The following PARPBP variants were observed in gnomAD, a reference collection of about 807,000 sequenced individuals.
The protein encoded by PARPBP is PARP1 binding protein, also known as PCNA-interacting partner.
Under a neutral mutation model 50.0 loss-of-function variants are expected in PARPBP, and 52 were observed. The ratio of observed to expected loss-of-function variants is 1.04; its 90% CI spans 0.83 to 1.31. The LOEUF is 1.31. Among genes scored for constraint, PARPBP ranks in the 50% most tolerant of loss-of-function variants. PARPBP has a pLI of 0.00. For synonymous variants in PARPBP, 244 were observed against 232.1 expected, an observed-to-expected ratio of 1.05 and a Z score of -0.47; for missense variants, 697 against 672.0, an observed-to-expected ratio of 1.04 and a Z score of -0.41.
At position 102,131,638 on chromosome 12, in the gene PARPBP, A is replaced by G. The variant is rs557289960; in HGVS notation, c.153+7597A>G. On this transcript the variant is annotated intron_variant, in intron 2 of 10. Coordinates refer to ENST00000327680, the MANE Select transcript of PARPBP (RefSeq NM_017915.5). Reference sequence around the variant, plus strand: ...GATAAAGAAAATGTGGTACATATACATCATGGAATACTCTACAGCCGTAAA... The same window carrying G: ...GATAAAGAAAATGTGGTACATATACGTCATGGAATACTCTACAGCCGTAAA... Among the ~76,000 whole-genome samples the G allele has an allele frequency of 9.8e-5, 15 of 152,334 alleles. No homozygotes were observed. In the South Asian group the frequency reaches 3.1e-3, roughly 32 times the overall value.
chr12:102,165,886 A>T lies in PARPBP; in HGVS notation c.821+3A>T. Reference sequence around the variant, plus strand: ...CTTGGAGAAATACCAAACCCAAGGTAATGACTTTTCATATATTACAAATAT... The same window carrying T: ...CTTGGAGAAATACCAAACCCAAGGTTATGACTTTTCATATATTACAAATAT... On this transcript the variant is annotated splice_donor_region_variant and intron_variant, in intron 6 of 10. Transcript: ENST00000327680. The T allele has an allele frequency of 2.0e-6, 3 of 1,514,634 alleles. No homozygotes were observed. Among genetic ancestry groups the T allele is most frequent in the Non-Finnish European group, 2.7e-6 (3 of 1,099,406 alleles). 93.8% of individuals were successfully genotyped at this position (1,514,634 alleles called of 1,614,324 possible). A position where few individuals can be genotyped will look rare whatever the true frequency, so the allele number is the denominator to read the frequency against.
intron 2 of PARPBP, among the ~76,000 whole-genome samples, chr12:102,126,982 G>A (rs558678982): frequency 6.6e-6 from 1 of 152,178 alleles, no homozygotes; most frequent in African/African-American, 2.4e-5. Context: ...AAGTTCTTTT[G>A]TGTTATGAAT....
chr12:102,197,441 T>C lies in PARPBP; in HGVS notation c.*1150T>C. On this transcript the variant is annotated 3_prime_UTR_variant, in exon 11 of 11. Transcript: ENST00000327680. Reference sequence around the variant, plus strand: ...TTGCATATACTTCTGTTTATAAAAGTATCAGTTTTACTTTTCAGAGGATTT... The same window carrying C: ...TTGCATATACTTCTGTTTATAAAAGCATCAGTTTTACTTTTCAGAGGATTT... 1 of 1,265,568 alleles carries C rather than the reference T, an allele frequency of 7.9e-7. No individual in the cohort carries two copies. Among genetic ancestry groups the C allele is most frequent in the Non-Finnish European group, 1.1e-6 (1 of 912,258 alleles). The allele number at this position is 1,265,568 out of a possible 1,614,324, so 78.4% of individuals were successfully genotyped here.
At chr12:102,151,123 G>A (rs950945) in intron 3 of PARPBP, among the ~76,000 whole-genome samples, 60,253 of 151,696 alleles carry the variant, frequency 0.4, 12,426 homozygotes, top group African/African-American at 0.52. Context: ...TGCAACACAC[G>A]TGCGTAACAG....
chr12:102,187,653 A>G (rs1372454482), intron 9 of PARPBP, among the ~76,000 whole-genome samples: 1 of 152,166 alleles, frequency 6.6e-6, no homozygotes, highest in Non-Finnish European at 1.5e-5. Context: ...TTCTACCTCT[A>G]CTGTTCCTCA....
chr12:102,188,767 A>G (rs1022794194), intron 9 of PARPBP, among the ~76,000 whole-genome samples: 11 of 152,184 alleles, frequency 7.2e-5, no homozygotes, highest in Non-Finnish European at 1.3e-4. Context: ...TTAACTTATA[A>G]AAGTAATTGG....
chr12:102,183,245 A>T (rs1193666427), intron 9 of PARPBP, among the ~76,000 whole-genome samples: 1 of 152,188 alleles, frequency 6.6e-6, no homozygotes, highest in Admixed American at 6.5e-5. Context: ...GGTATCTACT[A>T]TGATCCAGAC....
rs1888763852 is a variant in PARPBP at position 102,171,741 on chromosome 12, C to A, written c.822-3742C>A. ...ATTAGCCAGGTGTGGTGGTGGCGGG[C>A]GCCTGTAGTCCCAGCTACTCGGGAG... On this transcript the variant is annotated intron_variant, in intron 6 of 10. Transcript: ENST00000327680. 2.6e-5 allele frequency among the ~76,000 whole-genome samples: 4 copies of A among 151,760 alleles called. No individual in the cohort carries two copies. In the South Asian group the frequency reaches 8.3e-4, roughly 32 times the overall value.
intron 4 of PARPBP, chr12:102,154,767 T>C: frequency 2.3e-6 from 1 of 430,894 alleles, no homozygotes; most frequent in Non-Finnish European, 4.5e-6. Flanking sequence ...AAGCTGTCTT[T>C]TGTGGAGGAA....
rs1891337571 is a variant in PARPBP, at chr12:102,196,674, T to A, written c.*383T>A. On this transcript the variant is annotated 3_prime_UTR_variant, in exon 11 of 11. Transcript: ENST00000327680. ...GTATCAGACTTGCCAACAAGGTCGG[T>A]AGACTCTTCCCAGCATACATCTGAG... is the stretch of plus-strand genomic sequence containing the variant. 1.2e-6 allele frequency: 2 copies of A among 1,610,472 alleles called. No homozygotes were observed. Among genetic ancestry groups the A allele is most frequent in the Non-Finnish European group, 1.7e-6 (2 of 1,177,224 alleles).
intron 4 of PARPBP, among the ~76,000 whole-genome samples, chr12:102,157,841 C>T (rs1419723749): frequency 6.6e-6 from 1 of 151,680 alleles, no homozygotes; most frequent in Non-Finnish European, 1.5e-5. Flanking sequence ...GAGCTTCTGG[C>T]CAGGCACGGT....
At chr12:102,147,710 TATA>T (rs1266431779) in intron 2 of PARPBP, among the ~76,000 whole-genome samples, 2 of 151,820 alleles carry the variant, frequency 1.3e-5, no homozygotes, top group Middle Eastern at 3.4e-3. Flanking sequence ...AAACTTAAAG[TATA>T]ATAATAATAA....
At chr12:102,133,656 G>A (rs544946111) in intron 2 of PARPBP, among the ~76,000 whole-genome samples, 1 of 152,078 alleles carries the variant, frequency 6.6e-6, no homozygotes, top group East Asian at 1.9e-4. Context: ...TTCATAAAAT[G>A]AGTTTGGAAG....
intron 4 of PARPBP, among the ~76,000 whole-genome samples, chr12:102,158,575 GATTTGT>G (rs1308406782): frequency 2.0e-5 from 3 of 152,090 alleles, no homozygotes; most frequent in Admixed American, 6.5e-5. Context: ...TCCTTTTAGA[GATTTGT>G]AACTATTTTC....
intron 8 of PARPBP, among the ~76,000 whole-genome samples, 194 bp downstream of exon 8, chr12:102,178,964 GC>G (rs1392701679): frequency 1.3e-5 from 2 of 152,168 alleles, no homozygotes; most frequent in Non-Finnish European, 2.9e-5. Flanking sequence ...TGAGAGTACA[GC>G]CTGAGAGATG....
At chr12:102,126,072 A>C (rs913217076) in intron 2 of PARPBP, among the ~76,000 whole-genome samples, 2 of 152,214 alleles carry the variant, frequency 1.3e-5, no homozygotes, top group Non-Finnish European at 2.9e-5. Context: ...TCTCTTCACC[A>C]ATGCCTTCCA....
intron 9 of PARPBP, among the ~76,000 whole-genome samples, chr12:102,188,928 C>T (rs1471417841): frequency 6.6e-6 from 1 of 151,352 alleles, no homozygotes; most frequent in Non-Finnish European, 1.5e-5. Context: ...AGTAGAAGAC[C>T]AGACACAGCA....
intron 2 of PARPBP, among the ~76,000 whole-genome samples, chr12:102,141,105 T>C (rs1884517717): frequency 6.6e-6 from 1 of 152,228 alleles, no homozygotes; most frequent in South Asian, 2.1e-4. Flanking sequence ...CCATTATTAC[T>C]GTGTGGGAGT....
At chr12:102,133,858 C>T (rs147490897) in intron 2 of PARPBP, among the ~76,000 whole-genome samples, 19 of 151,450 alleles carry the variant, frequency 1.3e-4, no homozygotes, top group South Asian at 6.3e-4. Context: ...TTAACAAACA[C>T]GTGGAAATTA....
Sources: gnomAD v4.1 joint callset for allele counts (sites outside exome capture counted in the v4.1 genomes callset) on GRCh38, gnomAD v4.1.1 for gene constraint, MANE v1.5 for transcripts, NCBI Gene and HGNC (gene_info 2026-07-23, HGNC 2026-07-21) for gene names.